The following RAD50 variants were observed in gnomAD, a reference collection of about 807,000 sequenced individuals.
The protein encoded by RAD50 is RAD50 double strand break repair protein, also known as DNA repair protein RAD50.
In RAD50, 132 loss-of-function variants were observed where a neutral mutation model predicts 168.8. The ratio of observed to expected loss-of-function variants is 0.78; its 90% CI spans 0.68 to 0.90. RAD50 has a LOEUF of 0.90. Among genes scored for constraint, RAD50 ranks in the 40% least tolerant of loss-of-function variants. The pLI, the probability that RAD50 is intolerant of heterozygous loss-of-function variation, is 0.00. For synonymous variants in RAD50, 525 were observed against 497.4 expected (o/e 1.06, Z -0.74); for missense variants, 1,347 against 1,534.4 (o/e 0.88, Z 2.04).
At position 132,604,790 on chromosome 5, in the gene RAD50, A is replaced by G. The variant is rs1204782492; in HGVS notation, c.2525-16A>G. On this transcript the variant is annotated splice_polypyrimidine_tract_variant and intron_variant, in intron 15 of 24. Coordinates refer to ENST00000378823, the MANE Select transcript of RAD50 (RefSeq NM_005732.4). Reference sequence around the variant, plus strand: ...TGCCCTTACATTAATTACTGTGATAATATGTTTTTGTGTAGTTTCTAGTAA... The same window carrying G: ...TGCCCTTACATTAATTACTGTGATAGTATGTTTTTGTGTAGTTTCTAGTAA... 1 of 1,576,306 alleles carries G rather than the reference A, an allele frequency of 6.3e-7. No homozygotes were observed. The highest frequency in any genetic ancestry group is 8.7e-7 in the Non-Finnish European group (1 of 1,147,810).
At chr5:132,592,429 A>T in intron 11 of RAD50, among the ~76,000 whole-genome samples, 1 of 152,188 alleles carries the variant, frequency 6.6e-6, no homozygotes, top group Non-Finnish European at 1.5e-5. Flanking sequence ...TCAGGACTGT[A>T]AGGTGGATGC....
chr5:132,619,815 C>CCTCTCTCT (rs58174018), intron 21 of RAD50, among the ~76,000 whole-genome samples: 1 of 118,352 alleles, frequency 8.4e-6, no homozygotes, highest in Non-Finnish European at 1.6e-5. Context: ...TCTCTCTACT[C>CCTCTCTCT]CTCTCTCTCT....
chr5:132,619,829 T>TACTC (rs1751247617), intron 21 of RAD50, among the ~76,000 whole-genome samples: 6 of 133,774 alleles, frequency 4.5e-5, no homozygotes, highest in African/African-American at 1.8e-4. Context: ...TCTCTCTCTC[T>TACTC]CTCTCTCTAT....
At chr5:132,574,055 G>T (rs1750352971) in intron 2 of RAD50, among the ~76,000 whole-genome samples, 1 of 152,118 alleles carries the variant, frequency 6.6e-6, no homozygotes, top group South Asian at 2.1e-4. Context: ...TATTCTGGGG[G>T]ATCTACCAGT....
At chr5:132,570,547 T>G (rs1310116890) in intron 2 of RAD50, among the ~76,000 whole-genome samples, 1 of 152,230 alleles carries the variant, frequency 6.6e-6, no homozygotes, top group Admixed American at 6.5e-5. Context: ...CTTCTTTCTT[T>G]AAGCCTCATG....
chr5:132,600,687 T>C (rs186562953), intron 13 of RAD50, among the ~76,000 whole-genome samples: 1 of 152,322 alleles, frequency 6.6e-6, no homozygotes, highest in African/African-American at 2.4e-5. Context: ...CCACAGGTTT[T>C]TTTCAGTACC....
chr5:132,606,098 A>G (rs1750981183), intron 16 of RAD50, among the ~76,000 whole-genome samples: 1 of 152,174 alleles, frequency 6.6e-6, no homozygotes, highest in Non-Finnish European at 1.5e-5. Context: ...ACAAATTCAA[A>G]AGCCAGCAGA....
In RAD50 at chr5:132,575,777, G is replaced by A. The variant is rs118029772; in HGVS notation, c.214G>A (p.Val72Ile). The change falls in exon 3 of 25, where the codon GTT (valine) becomes ATT (isoleucine). Residue 72 changes from valine to isoleucine, a missense_variant and splice_region_variant. Coordinates refer to ENST00000378823, the MANE Select transcript of RAD50 (RefSeq NM_005732.4). The stretch of plus-strand genomic sequence containing the variant: ...GTTTTTTCTGTGTTTTCCTTCAAAG[G>A]TTGCTCAAGAAACAGATGTGAGAGC... ...KGNTFVHDPK[V>I]AQETDVRAQI... The A allele has an allele frequency of 2.8e-5, 44 of 1,589,120 alleles. No homozygotes were observed. The East Asian group carries it at 3.1e-4, about 11-fold the overall frequency.
At chr5:132,571,260 G>A (rs570640287) in intron 2 of RAD50, among the ~76,000 whole-genome samples, 3 of 151,986 alleles carry the variant, frequency 2.0e-5, no homozygotes, top group South Asian at 2.1e-4. Context: ...TGGAAAAATG[G>A]CACCGATAGA....
chr5:132,579,822 A>T (rs758416411), intron 4 of RAD50, 40 bp from the exon 5 acceptor site: 2 of 1,499,514 alleles, frequency 1.3e-6, no homozygotes, highest in Non-Finnish European at 1.9e-6. Flanking sequence ...ACCATAATTT[A>T]CTTTGCCAGA....
At chr5:132,576,456 C>G (rs1750401885) in intron 3 of RAD50, among the ~76,000 whole-genome samples, 1 of 152,192 alleles carries the variant, frequency 6.6e-6, no homozygotes, top group Non-Finnish European at 1.5e-5. Flanking sequence ...ACCTTAGATT[C>G]AAGTCTCTGT....
chr5:132,563,901 TC>T (rs764292173), intron 2 of RAD50, among the ~76,000 whole-genome samples: 5 of 152,104 alleles, frequency 3.3e-5, no homozygotes, highest in Non-Finnish European at 7.4e-5. Context: ...GTGTAGCACC[TC>T]CCCCTTCACT....
At chr5:132,614,204 T>C (rs1349175052) in intron 19 of RAD50, among the ~76,000 whole-genome samples, 1 of 152,194 alleles carries the variant, frequency 6.6e-6, no homozygotes, top group Non-Finnish European at 1.5e-5. Context: ...AAAAATGTGA[T>C]AGCACTTTAA....
intron 19 of RAD50, among the ~76,000 whole-genome samples, chr5:132,614,807 C>G (rs1751148126): frequency 6.6e-6 from 1 of 151,496 alleles, no homozygotes; most frequent in Non-Finnish European, 1.5e-5. Context: ...ATGAAAGTAG[C>G]CTTACTTTGT....
intron 21 of RAD50, among the ~76,000 whole-genome samples, chr5:132,635,045 C>T (rs1449518547): frequency 6.6e-6 from 1 of 152,092 alleles, no homozygotes; most frequent in Non-Finnish European, 1.5e-5. Context: ...CTAGGTGTGT[C>T]TTGAAGATTT....
Position 132,588,011 on chromosome 5 carries a change from T to C in RAD50, c.973T>C (p.Cys325Arg), listed in dbSNP as rs863224744. Reference sequence around the variant, plus strand: ...GGAGAAAGAAAGGAAATTGGTAGACTGTCATCGTGAACTGGAAAAACTAAA... The same window carrying C: ...GGAGAAAGAAAGGAAATTGGTAGACCGTCATCGTGAACTGGAAAAACTAAA... ...VREKERKLVD[C>R]HRELEKLNKE... Residue 325 changes from cysteine (C) to arginine (R), a missense_variant, in exon 7 of 25, where the codon TGT (cysteine) becomes CGT (arginine). Coordinates refer to ENST00000378823, the MANE Select transcript of RAD50 (RefSeq NM_005732.4). 1 of 1,611,752 alleles carries C rather than the reference T, an allele frequency of 6.2e-7. No individual in the cohort carries two copies. The highest frequency in any genetic ancestry group is 8.5e-7 in the Non-Finnish European group (1 of 1,177,996).
intron 13 of RAD50, among the ~76,000 whole-genome samples, chr5:132,601,403 G>A (rs1750884573): frequency 6.6e-6 from 1 of 152,302 alleles, no homozygotes; most frequent in Non-Finnish European, 1.5e-5. Flanking sequence ...TGTAAAAATA[G>A]GGTTAAAATT....
chr5:132,629,026 C>G (rs1751417263), intron 21 of RAD50, among the ~76,000 whole-genome samples: 1 of 152,116 alleles, frequency 6.6e-6, no homozygotes, highest in Admixed American at 6.5e-5. Context: ...GCAAGGTCAG[C>G]TCTTCTCTTA....
intron 21 of RAD50, among the ~76,000 whole-genome samples, chr5:132,636,638 C>G (rs1561658564): frequency 6.6e-6 from 1 of 152,158 alleles, no homozygotes; most frequent in Non-Finnish European, 1.5e-5. Context: ...TTCGATTCTC[C>G]TATTTTCCCC....
Sources: allele counts gnomAD v4.1 joint callset (sites outside exome capture counted in the v4.1 genomes callset), GRCh38; gene constraint gnomAD v4.1.1; transcripts MANE v1.5; gene names NCBI Gene and HGNC (gene_info 2026-07-23, HGNC 2026-07-21).